The following TNRC6B variants were observed in gnomAD, a reference collection of about 807,000 sequenced individuals.
The protein encoded by TNRC6B is trinucleotide repeat containing adaptor 6B, also known as trinucleotide repeat-containing gene 6B protein.
A neutral mutation model predicts 203.6 loss-of-function variants in TNRC6B; 52 were observed. The ratio of observed to expected loss-of-function variants is 0.26; its 90% CI spans 0.20 to 0.32. The LOEUF is 0.32. Ranked by LOEUF, TNRC6B falls within the 10% of genes least tolerant of loss-of-function variation. The pLI is 1.00. For missense variants in TNRC6B, 1,923 were observed against 2,286.2 expected, an observed-to-expected ratio of 0.84 and a Z score of 3.24; for synonymous variants, 838 against 845.7, an observed-to-expected ratio of 0.99 and a Z score of 0.16.
intron 1 of TNRC6B, among the ~76,000 whole-genome samples, chr22:40,081,138 G>T (rs998629004): frequency 6.6e-6 from 1 of 152,136 alleles, no homozygotes; most frequent in Non-Finnish European, 1.5e-5. Flanking sequence ...TGGGATTACA[G>T]GCGTGAGCCA....
chr22:40,058,779 G>A (rs182032852), intron 1 of TNRC6B, among the ~76,000 whole-genome samples: 2 of 152,152 alleles, frequency 1.3e-5, no homozygotes, highest in East Asian at 3.9e-4. Context: ...CATTGAATCT[G>A]GAAACATTGC....
At chr22:40,053,775 T>G (rs1428200697) in intron 1 of TNRC6B, among the ~76,000 whole-genome samples, 3 of 152,260 alleles carry the variant, frequency 2.0e-5, no homozygotes, top group African/African-American at 7.2e-5. Context: ...TTTTTTCTTT[T>G]GCAAGTAGGA....
chr22:40,317,127 A>G (rs1423992274), intron 21 of TNRC6B, among the ~76,000 whole-genome samples: 1 of 152,210 alleles, frequency 6.6e-6, no homozygotes. Flanking sequence ...TCCCTTCTCA[A>G]CTAAGTTCTT....
intron 1 of TNRC6B, among the ~76,000 whole-genome samples, chr22:40,046,274 G>A (rs1359910477): frequency 6.6e-6 from 1 of 152,188 alleles, no homozygotes; most frequent in African/African-American, 2.4e-5. Flanking sequence ...TTGTGTAAAT[G>A]CCTCTTATAG....
At chr22:40,130,834 G>A (rs571103061) in intron 3 of TNRC6B, among the ~76,000 whole-genome samples, 2 of 150,850 alleles carry the variant, frequency 1.3e-5, no homozygotes, top group Non-Finnish European at 2.9e-5. Flanking sequence ...GGTCAATATG[G>A]TTTACAAAAT....
chr22:40,248,398 G>A (rs2070138978), intron 2 of TNRC6B, among the ~76,000 whole-genome samples: 2 of 152,194 alleles, frequency 1.3e-5, no homozygotes, highest in South Asian at 4.1e-4. Flanking sequence ...TAATAGGCTG[G>A]GTACCAAGGT....
rs375195144 is a variant in TNRC6B at position 40,331,004 on chromosome 22, G to C, written c.*7763G>C. 6.5e-6 allele frequency: 1 copy of C among 152,698 alleles called. No individual in the cohort carries two copies. Among genetic ancestry groups the C allele is most frequent in the African/African-American group, 2.4e-5 (1 of 41,450 alleles). 9.5% of individuals were successfully genotyped at this position (152,698 alleles called of 1,614,324 possible). A position where few individuals can be genotyped will look rare whatever the true frequency, so the allele number is the denominator to read the frequency against. ...CTGCATTCCCTAGTTTTCTCCGTCT[G>C]TATGTTTGTGCTCATGTGGCTTTGG... On this transcript the variant is annotated 3_prime_UTR_variant, in exon 23 of 23. Coordinates refer to ENST00000454349, the MANE Select transcript of TNRC6B (RefSeq NM_001162501.2).
chr22:40,153,533 A>G (rs1252722008), intron 3 of TNRC6B, among the ~76,000 whole-genome samples: 1 of 139,678 alleles, frequency 7.2e-6, no homozygotes, highest in East Asian at 2.0e-4. Flanking sequence ...AAAAATACAT[A>G]ACAAATACTA....
chr22:40,177,606 A>G (rs938817382), upstream of TNRC6B, among the ~76,000 whole-genome samples: 1 of 152,188 alleles, frequency 6.6e-6, no homozygotes, highest in Admixed American at 6.5e-5. Context: ...CCAAACATCT[A>G]GAGAATAACT....
intron 4 of TNRC6B, among the ~76,000 whole-genome samples, chr22:40,170,153 C>T (rs2068957883): frequency 1.3e-5 from 2 of 149,870 alleles, no homozygotes; most frequent in Non-Finnish European, 2.9e-5. Context: ...TGGCACACAC[C>T]TCTGGTCTCA....
rs533821762 is a variant in TNRC6B at position 40,093,326 on chromosome 22, ATAGAAT to A, written c.-120-23723_-120-23718del. ...AAAGAAAGGTTAAGATGCATGGAAG[ATAGAAT>A]TAGAAGGTTTCATATAACATCTGAT... On this transcript the variant is annotated intron_variant, in intron 1 of 23. Coordinates refer to the TNRC6B transcript ENST00000301923. Among the ~76,000 whole-genome samples, 12 of 152,370 alleles carry A rather than the reference ATAGAAT, an allele frequency of 7.9e-5. No homozygotes were observed. In the South Asian group the frequency reaches 2.5e-3, roughly 32 times the overall value.
At chr22:40,047,055 C>T (rs1255413917) in intron 1 of TNRC6B, among the ~76,000 whole-genome samples, 1 of 152,148 alleles carries the variant, frequency 6.6e-6, no homozygotes, top group East Asian at 1.9e-4. Flanking sequence ...ATCTTTTCCC[C>T]TAATTCTTAG....
Position 40,264,722 on chromosome 22 carries a change from T to C in TNRC6B, c.492T>C (p.Tyr164=). ...STLGGAAASN[Y]ANSTWGSGAS... The stretch of plus-strand genomic sequence containing the variant: ...TTGGAGGTGCTGCTGCTTCAAATTA[T>C]GCAAATTCCACTTGGGGCTCGGGAG... Residue 164 remains tyrosine, a synonymous_variant, in exon 5 of 23, where the codon TAT becomes TAC. Transcript: ENST00000454349. 1 of 1,605,334 alleles carries C rather than the reference T, an allele frequency of 6.2e-7. No homozygotes were observed.
At chr22:40,130,587 C>T (rs2068532521) in intron 3 of TNRC6B, among the ~76,000 whole-genome samples, 1 of 151,120 alleles carries the variant, frequency 6.6e-6, no homozygotes, top group African/African-American at 2.4e-5. Flanking sequence ...CCAGACTATC[C>T]TGGCTAACAC....
intron 3 of TNRC6B, among the ~76,000 whole-genome samples, chr22:40,142,127 A>G (rs1202701572): frequency 1.3e-5 from 2 of 151,236 alleles, no homozygotes; most frequent in Non-Finnish European, 2.9e-5. Context: ...TGGTGTGATT[A>G]TAGTTCACTG....
intron 1 of TNRC6B, among the ~76,000 whole-genome samples, chr22:40,238,455 G>T (rs535600878): frequency 2.0e-5 from 3 of 152,260 alleles, no homozygotes; most frequent in Non-Finnish European, 2.9e-5. Context: ...TGCATTCCCT[G>T]TAAGGAGATC....
At chr22:40,057,026 T>C (rs2067803142) in intron 1 of TNRC6B, among the ~76,000 whole-genome samples, 1 of 152,122 alleles carries the variant, frequency 6.6e-6, no homozygotes, top group Non-Finnish European at 1.5e-5. Flanking sequence ...CTTGGATACC[T>C]TGAGCTCAAA....
intron 3 of TNRC6B, among the ~76,000 whole-genome samples, chr22:40,142,838 A>C (rs1014893250): frequency 3.9e-5 from 6 of 151,954 alleles, no homozygotes; most frequent in African/African-American, 9.7e-5. Flanking sequence ...TAATGTAATT[A>C]AGTGAGGAAA....
In TNRC6B at chr22:40,261,876, A is replaced by G; in HGVS notation, c.160A>G (p.Ser54Gly). The G allele has an allele frequency of 6.3e-7, 1 of 1,587,830 alleles. No homozygotes were observed. The change falls in exon 4 of 23, where the codon AGC (serine) becomes GGC (glycine). Residue 54 changes from serine (S) to glycine (G), a missense_variant. Ser to Gly is a moderately conservative substitution (Grantham distance 56, BLOSUM62 0). Coordinates refer to ENST00000454349, the MANE Select transcript of TNRC6B (RefSeq NM_001162501.2). ...AAGTTTAAGCCAACCAACGGCCGCC[A>G]GCCCAATTGGCAGCTCTCCATCGCC... ...KPSLSQPTAASPIGSSPSPPV... is the reference protein window; with the variant it reads ...KPSLSQPTAAGPIGSSPSPPV...
Sources: gnomAD v4.1 joint callset for allele counts (sites outside exome capture counted in the v4.1 genomes callset) on GRCh38, gnomAD v4.1.1 for gene constraint, MANE v1.5 for transcripts, NCBI Gene and HGNC (gene_info 2026-07-23, HGNC 2026-07-21) for gene names.